Variants in NEXMIF observed in about 807,000 individuals in gnomAD.
NEXMIF encodes the protein XLMR protein related to neurite extension.
Under a neutral mutation model 62.1 loss-of-function variants are expected in NEXMIF, and 8 were observed. The observed-to-expected ratio is 0.13, with a 90% CI of 0.08 to 0.23. The LOEUF (loss-of-function observed/expected upper bound fraction) is 0.23, where lower values mean the gene tolerates loss of function less well. Ranked by LOEUF, NEXMIF falls within the 10% of genes least tolerant of loss-of-function variation. The pLI is 1.00. For missense variants in NEXMIF, 976 were observed against 1,113.3 expected (o/e 0.88, Z 1.75); for synonymous variants, 404 against 416.6 (o/e 0.97, Z 0.37).
At chrX:74,797,383 T>A (rs2080315514) in intron 1 of NEXMIF, among the ~76,000 whole-genome samples, 1 of 112,102 alleles carries the variant, frequency 8.9e-6, no homozygotes, top group South Asian at 3.7e-4. Flanking sequence ...ACCATAGTAA[T>A]GTACAGATGA....
At chrX:74,924,678 G>C (rs2080837998) in intron 1 of NEXMIF, among the ~76,000 whole-genome samples, 1 of 113,755 alleles carries the variant, frequency 8.8e-6, no homozygotes, top group African/African-American at 3.2e-5. Flanking sequence ...CTGTCAGGGC[G>C]AGCCGGGATC....
intron 1 of NEXMIF, among the ~76,000 whole-genome samples, chrX:74,838,881 T>C (rs2080465389): frequency 8.9e-6 from 1 of 111,911 alleles, no homozygotes; most frequent in South Asian, 3.8e-4. Flanking sequence ...AATATGTGAG[T>C]ATAAGCCTAC....
At chrX:74,821,066 G>A (rs996667094) in intron 1 of NEXMIF, among the ~76,000 whole-genome samples, 1 of 110,302 alleles carries the variant, frequency 9.1e-6, no homozygotes, top group Non-Finnish European at 1.9e-5. Flanking sequence ...TTTTTTTGCA[G>A]AGAGAGTCTC....
At chrX:74,866,502 G>A (rs1040092738) in intron 1 of NEXMIF, among the ~76,000 whole-genome samples, 2 of 111,819 alleles carry the variant, frequency 1.8e-5, no homozygotes, top group East Asian at 2.8e-4. Context: ...AGACTTTGGG[G>A]GACTGTTAGG....
At chrX:74,878,364 G>A (rs1175191348) in intron 1 of NEXMIF, among the ~76,000 whole-genome samples, 17 of 112,151 alleles carry the variant, frequency 1.5e-4, no homozygotes, top group South Asian at 3.7e-4. Flanking sequence ...CTCCAGCTGC[G>A]TGCTGGGAGA....
At chrX:74,884,506 A>G (rs1602265518) in intron 1 of NEXMIF, among the ~76,000 whole-genome samples, 1 of 111,856 alleles carries the variant, frequency 8.9e-6, no homozygotes, top group East Asian at 2.8e-4. Context: ...CTAGTCTCTG[A>G]TAAAACAAAC....
At chrX:74,893,388 AAG>A (rs2080723731) in intron 1 of NEXMIF, among the ~76,000 whole-genome samples, 1 of 112,226 alleles carries the variant, frequency 8.9e-6, no homozygotes, top group African/African-American at 3.2e-5. Flanking sequence ...GAAAATCTAA[AAG>A]AGTTTTCTTG....
Position 74,739,464 on chromosome X carries a change from T to C in NEXMIF, c.4492A>G (p.Thr1498Ala), listed in dbSNP as rs754120882. ...SDYNLLKAETTFWVLPVFEEE... is the reference protein window; with the variant it reads ...SDYNLLKAETAFWVLPVFEEE... ...TCAAACACAGGTAAAACCCAAAAGG[T>C]TGTTTCTGCTTTTAGGAGATTGTAG... The change falls in exon 4 of 4, where the codon ACC (threonine) becomes GCC (alanine). Residue 1498 changes from threonine (T) to alanine (A), a missense_variant. Transcript: ENST00000055682. 3 of 1,199,952 alleles carry C rather than the reference T, an allele frequency of 2.5e-6. No homozygotes were observed. The highest frequency in any genetic ancestry group is 2.3e-5 in the Admixed American group (1 of 43,974).
chrX:74,881,809 T>G (rs1489481751), intron 1 of NEXMIF, among the ~76,000 whole-genome samples: 1 of 112,001 alleles, frequency 8.9e-6, no homozygotes, highest in East Asian at 2.8e-4. Flanking sequence ...TTAACCAGTT[T>G]CACTTAGCAG....
At position 74,743,357 on chromosome X, in the gene NEXMIF, T is replaced by C. The variant is rs1286570519; in HGVS notation, c.1200A>G (p.Gly400=). The C allele has an allele frequency of 7.4e-6, 9 of 1,209,621 alleles. No homozygotes were observed. The highest frequency in any genetic ancestry group is 1.0e-5 in the Non-Finnish European group (9 of 895,214). The change falls in exon 3 of 4, where the codon GGA becomes GGG. Residue 400 remains glycine (G), a synonymous_variant. Transcript: ENST00000055682. The stretch of plus-strand genomic sequence containing the variant: ...AGGCAGGCTTTTCTCCATTATCCTT[T>C]CCATCTTTCTTCTCTACACCTTTGT... ...QEDKGVEKKD[G]KDNGEKPALN... is the part of the protein sequence containing the mutation.
chrX:74,881,141 T>G (rs2147358222), intron 1 of NEXMIF, among the ~76,000 whole-genome samples: 1 of 111,013 alleles, frequency 9.0e-6, no homozygotes, highest in African/African-American at 3.3e-5. Context: ...GTTTGGAAAT[T>G]GCTAGAGAAA....
In NEXMIF at chrX:74,763,199, T is replaced by C. The variant is rs779529595; in HGVS notation, c.-47-17502A>G. 2.4e-3 allele frequency among the ~76,000 whole-genome samples: 274 copies of C among 112,022 alleles called. 1 individual carries two copies. Among genetic ancestry groups the C allele is most frequent in the East Asian group, 0.015 (52 of 3,585 alleles). On this transcript the variant is annotated intron_variant, in intron 1 of 3. Transcript: ENST00000055682. ...TTTCTACATATGGCTAGCCAGTTATTCCAGCACCATTTATTAAATAGGGAA... is the reference window on the plus strand; with the variant it reads ...TTTCTACATATGGCTAGCCAGTTATCCCAGCACCATTTATTAAATAGGGAA...
At chrX:74,751,492 C>CT (rs751246251) in intron 1 of NEXMIF, among the ~76,000 whole-genome samples, 98 of 102,192 alleles carry the variant, frequency 9.6e-4, no homozygotes, top group South Asian at 2.6e-3. Context: ...GTCTCTCTCT[C>CT]TTTTTTTTTT....
intron 1 of NEXMIF, among the ~76,000 whole-genome samples, chrX:74,857,938 T>C (rs2080541306): frequency 8.9e-6 from 1 of 111,742 alleles, no homozygotes; most frequent in Admixed American, 9.5e-5. Context: ...GTGAAAAGAA[T>C]AGAGTGGAAG....
In NEXMIF at chrX:74,798,195, C is replaced by CCTGG. The variant is rs2080318231; in HGVS notation, c.-47-52499_-47-52498insCCAG. Among the ~76,000 whole-genome samples the CCTGG allele has an allele frequency of 2.7e-5, 3 of 111,371 alleles. No homozygotes were observed. The Admixed American group carries it at 2.9e-4, about 11-fold the overall frequency. On this transcript the variant is annotated intron_variant, in intron 1 of 3. Transcript: ENST00000055682. ...TTTAATAACTAGGTGACAGGTTGAT[C>CCTGG]TATTCAGCAAACCATCATGGTTTGA...
At chrX:74,856,460 T>C (rs939489439) in intron 1 of NEXMIF, among the ~76,000 whole-genome samples, 12 of 111,122 alleles carry the variant, frequency 1.1e-4, no homozygotes, top group African/African-American at 3.9e-4. Flanking sequence ...ATACACATGA[T>C]GATATGCCCA....
At chrX:74,761,837 T>C (rs1342988752) in intron 1 of NEXMIF, among the ~76,000 whole-genome samples, 2 of 111,271 alleles carry the variant, frequency 1.8e-5, no homozygotes, top group African/African-American at 6.5e-5. Flanking sequence ...TTTCTAGCTT[T>C]CTGATGTGGG....
At chrX:74,887,680 C>A (rs1463767993) in intron 1 of NEXMIF, among the ~76,000 whole-genome samples, 5 of 111,063 alleles carry the variant, frequency 4.5e-5, no homozygotes, top group Non-Finnish European at 9.5e-5. Context: ...GAAATAGGAA[C>A]ACTTTTACAC....
chrX:74,799,191 AGTT>A (rs1008346964), intron 1 of NEXMIF, among the ~76,000 whole-genome samples: 2 of 110,743 alleles, frequency 1.8e-5, no homozygotes, highest in African/African-American at 6.6e-5. Context: ...TTTATTGACT[AGTT>A]GTTGAGTCAA....
Sources: gnomAD v4.1 joint callset for allele counts (sites outside exome capture counted in the v4.1 genomes callset) on GRCh38, gnomAD v4.1.1 for gene constraint, MANE v1.5 for transcripts, NCBI Gene and HGNC (gene_info 2026-07-23, HGNC 2026-07-21) for gene names.